Variants in NUP205 observed in about 807,000 individuals in gnomAD.
The protein encoded by NUP205 is nuclear pore complex protein Nup205.
Under a neutral mutation model 253.8 loss-of-function variants are expected in NUP205, and 76 were observed. That is an observed-to-expected ratio of 0.30 (90% CI 0.25 to 0.36). The LOEUF is 0.36. NUP205 is among the 10% of genes least tolerant of loss of function. The pLI is 1.00. For synonymous variants in NUP205, 832 were observed against 850.1 expected, an observed-to-expected ratio of 0.98 and a Z score of 0.37; for missense variants, 2,162 against 2,425.5, an observed-to-expected ratio of 0.89 and a Z score of 2.28.
At position 135,615,125 on chromosome 7, in the gene NUP205, A is replaced by G. The variant is rs188086930; in HGVS notation, c.3311-791A>G. Among the ~76,000 whole-genome samples the G allele has an allele frequency of 1.4e-4, 22 of 152,290 alleles. No individual in the cohort carries two copies. The East Asian group carries it at 3.9e-3, about 27-fold the overall frequency. On this transcript the variant is annotated intron_variant, in intron 23 of 42. Transcript: ENST00000285968. ...AAAAATAAAAATTAACATCTTACCT[A>G]TTATGGTATGTGTTTTATAAAACTT...
At chr7:135,614,919 C>G (rs1159117587) in intron 23 of NUP205, among the ~76,000 whole-genome samples, 1 of 152,084 alleles carries the variant, frequency 6.6e-6, no homozygotes, top group African/African-American at 2.4e-5. Flanking sequence ...TCACACATGC[C>G]ATAAACAAAT....
At chr7:135,645,062 A>G in intron 40 of NUP205, 44 bp downstream of exon 40, 2 of 1,607,660 alleles carry the variant, frequency 1.2e-6, no homozygotes, top group Non-Finnish European at 1.7e-6. Context: ...ACCTTGAAAT[A>G]TAGGAACTGT....
intron 6 of NUP205, 87 bp downstream of exon 6, chr7:135,578,111 A>G (rs1037480764): frequency 1.1e-6 from 1 of 890,166 alleles, no homozygotes; most frequent in Non-Finnish European, 1.8e-6. Flanking sequence ...TATTTTAGCT[A>G]CTAAAATAGT....
chr7:135,622,306 C>T (rs957161305), intron 30 of NUP205, among the ~76,000 whole-genome samples: 2 of 151,242 alleles, frequency 1.3e-5, no homozygotes, highest in Non-Finnish European at 3.0e-5. Flanking sequence ...ACCTGTAGTC[C>T]CAGCTACTGG....
intron 38 of NUP205, among the ~76,000 whole-genome samples, chr7:135,640,556 A>G (rs773742694): frequency 4.6e-5 from 7 of 152,060 alleles, no homozygotes; most frequent in Non-Finnish European, 8.8e-5. Flanking sequence ...TTGTCACAAA[A>G]TCTCTGCCTT....
At chr7:135,567,168 A>C (rs1423915868) in intron 1 of NUP205, among the ~76,000 whole-genome samples, 3,787 of 102,126 alleles carry the variant, frequency 0.037, 494 homozygotes, top group South Asian at 0.1. Flanking sequence ...ATATATATAT[A>C]TATATATATA....
intron 31 of NUP205, among the ~76,000 whole-genome samples, chr7:135,624,196 T>C (rs1563133732): frequency 6.6e-6 from 1 of 151,986 alleles, no homozygotes; most frequent in East Asian, 1.9e-4. Flanking sequence ...AGTTATTACT[T>C]TTTTTTTCTT....
intron 1 of NUP205, among the ~76,000 whole-genome samples, chr7:135,559,856 T>C (rs13237671): frequency 0.22 from 33,450 of 151,108 alleles, 4,271 homozygotes; most frequent in East Asian, 0.5. Context: ...CATGCTTGGC[T>C]AGCCTGGCTA....
intron 12 of NUP205, 106 bp downstream of exon 12, chr7:135,593,298 C>A: frequency 9.8e-7 from 1 of 1,018,636 alleles, no homozygotes; most frequent in Non-Finnish European, 1.5e-6. Context: ...CTTAGCCTAT[C>A]TAGATAGACA....
chr7:135,645,084 CAT>C, intron 40 of NUP205, 66 bp downstream of exon 40: 3 of 1,570,180 alleles, frequency 1.9e-6, no homozygotes, highest in East Asian at 2.3e-5. Flanking sequence ...CACTTATTCT[CAT>C]ATTATTTGGG....
chr7:135,571,642 G>A (rs1175439602), intron 2 of NUP205, among the ~76,000 whole-genome samples: 1 of 152,126 alleles, frequency 6.6e-6, no homozygotes, highest in African/African-American at 2.4e-5. Context: ...CAGGCATGCA[G>A]TGTGAAATAA....
At chr7:135,629,507 C>CTCTCTCTCTCTCTCTCTCTCTCTCTA in intron 34 of NUP205, among the ~76,000 whole-genome samples, 1 of 134,116 alleles carries the variant, frequency 7.5e-6, no homozygotes, top group Non-Finnish European at 1.6e-5. Context: ...CTCTCTCTCT[C>CTCTCTCTCTCTCTCTCTCTCTCTCTA]TCTGTCTCTC....
At chr7:135,640,514 C>T (rs1412850285) in intron 38 of NUP205, among the ~76,000 whole-genome samples, 1 of 152,124 alleles carries the variant, frequency 6.6e-6, no homozygotes, top group Non-Finnish European at 1.5e-5. Context: ...TGTTTCCTTC[C>T]ACTCCGGCCC....
intron 1 of NUP205, among the ~76,000 whole-genome samples, chr7:135,570,703 T>A (rs1282937729): frequency 1.8e-5 from 2 of 109,814 alleles, no homozygotes; most frequent in Non-Finnish European, 1.7e-5. Context: ...TATAATTAAT[T>A]ATATTAATAT....
intron 30 of NUP205, 150 bp downstream of exon 30, chr7:135,620,038 G>A: frequency 1.6e-6 from 1 of 622,848 alleles, no homozygotes; most frequent in Non-Finnish European, 2.8e-6. Context: ...AAAAGTTGAG[G>A]AAGAATGTTT....
In NUP205 at chr7:135,576,617, C is replaced by T. The variant is rs117409193; in HGVS notation, c.488+203C>T. On this transcript the variant is annotated intron_variant, in intron 4 of 42. Transcript: ENST00000285968. The stretch of plus-strand genomic sequence containing the variant: ...ATAATTTGGACCGAGGTGCAGTGGC[C>T]CAAATTATTTTTGGATTACAAAGTG... Among the ~76,000 whole-genome samples, 732 of 152,056 alleles carry T rather than the reference C, an allele frequency of 4.8e-3. 2 individuals carry two copies. The highest frequency in any genetic ancestry group is 7.7e-3 in the Non-Finnish European group (525 of 67,992).
chr7:135,596,095 C>T (rs933371524), intron 13 of NUP205, among the ~76,000 whole-genome samples: 1 of 152,074 alleles, frequency 6.6e-6, no homozygotes, highest in African/African-American at 2.4e-5. Context: ...CCACCACGCC[C>T]AGCTAATTTT....
chr7:135,642,674 G>A (rs1794935277), intron 38 of NUP205, among the ~76,000 whole-genome samples: 1 of 152,122 alleles, frequency 6.6e-6, no homozygotes, highest in South Asian at 2.1e-4. Flanking sequence ...GAATATTTCA[G>A]TTACTATTCT....
chr7:135,559,867 A>AT (rs1206670155), intron 1 of NUP205, among the ~76,000 whole-genome samples: 3 of 143,382 alleles, frequency 2.1e-5, no homozygotes, highest in Admixed American at 6.9e-5. Context: ...AGCCTGGCTA[A>AT]TTTTTTTTTG....
Sources: gnomAD v4.1 joint callset for allele counts (sites outside exome capture counted in the v4.1 genomes callset) on GRCh38, gnomAD v4.1.1 for gene constraint, MANE v1.5 for transcripts, NCBI Gene and HGNC (gene_info 2026-07-23, HGNC 2026-07-21) for gene names.